ADCY2: variants seen among roughly 807,000 people sequenced by gnomAD.
ADCY2 encodes adenylate cyclase 2, also known as adenylate cyclase type 2.
A neutral mutation model predicts 125.2 loss-of-function variants in ADCY2; 31 were observed. The ratio of observed to expected loss-of-function variants is 0.25; its 90% CI spans 0.19 to 0.33. The LOEUF (loss-of-function observed/expected upper bound fraction) is 0.33. Ranked by LOEUF, ADCY2 falls within the 10% of genes least tolerant of loss-of-function variation. The pLI is 1.00. For missense variants in ADCY2, 904 were observed against 1,418.2 expected, an observed-to-expected ratio of 0.64 and a Z score of 5.82; for synonymous variants, 512 against 548.4, an observed-to-expected ratio of 0.93 and a Z score of 0.93.
intron 2 of ADCY2, among the ~76,000 whole-genome samples, chr5:7,482,801 CAT>C (rs1742788008): frequency 9.2e-6 from 1 of 108,944 alleles, no homozygotes; most frequent in Non-Finnish European, 2.1e-5. Flanking sequence ...TACACACACA[CAT>C]ACATATATAC....
chr5:7,510,854 A>G (rs1430502448), intron 2 of ADCY2, among the ~76,000 whole-genome samples: 1 of 152,234 alleles, frequency 6.6e-6, no homozygotes, highest in South Asian at 2.1e-4. Flanking sequence ...GAAGAACACG[A>G]TATGAAGAGT....
intron 3 of ADCY2, among the ~76,000 whole-genome samples, chr5:7,583,147 T>A (rs1736491047): frequency 6.6e-6 from 1 of 152,016 alleles, no homozygotes; most frequent in African/African-American, 2.4e-5. Flanking sequence ...AAAAGACAAA[T>A]TAGATCTCTA....
rs545662954 is a variant in ADCY2, at chr5:7,761,181, G to A, written c.2094+3595G>A. ...TTTTTTTTTTTTGAGATGGAGTCTC[G>A]CCCTGTCACCCAGGCTGGAGTGCAA... On this transcript the variant is annotated intron_variant, in intron 16 of 24. Coordinates refer to ENST00000338316, the MANE Select transcript of ADCY2 (RefSeq NM_020546.3). Among the ~76,000 whole-genome samples, 343 of 99,624 alleles carry A rather than the reference G, an allele frequency of 3.4e-3. 2 individuals are homozygous for A. The highest frequency in any genetic ancestry group is 0.013 in the African/African-American group (332 of 25,628). 65.4% of individuals were successfully genotyped at this position (99,624 alleles called of 152,430 possible).
chr5:7,450,816 G>A (rs1741444259), intron 2 of ADCY2, among the ~76,000 whole-genome samples: 1 of 152,106 alleles, frequency 6.6e-6, no homozygotes, highest in South Asian at 2.1e-4. Flanking sequence ...CTTAAAAATT[G>A]TTAATTTTAT....
intron 3 of ADCY2, among the ~76,000 whole-genome samples, chr5:7,535,930 C>G (rs1167558212): frequency 6.6e-6 from 1 of 152,118 alleles, no homozygotes; most frequent in Non-Finnish European, 1.5e-5. Context: ...AGCTATTTAA[C>G]CAGTCAGAGA....
Position 7,660,564 on chromosome 5 carries a change from G to A in ADCY2, c.721-30127G>A, listed in dbSNP as rs537165610. 8.5e-5 allele frequency among the ~76,000 whole-genome samples: 13 copies of A among 152,318 alleles called. 1 individual carries two copies. The South Asian group carries it at 2.7e-3, about 32-fold the overall frequency. On this transcript the variant is annotated intron_variant, in intron 4 of 24. Transcript: ENST00000338316. ...TGAGATCTGTAAGGCAGGCCAGCAG[G>A]TTGGAGAGTAAGTTAAGAGTTGATA...
intron 3 of ADCY2, among the ~76,000 whole-genome samples, chr5:7,574,313 C>T (rs538789082): frequency 6.6e-6 from 1 of 151,546 alleles, no homozygotes; most frequent in African/African-American, 2.4e-5. Context: ...ATTTCCAGTT[C>T]TAGATCCTTG....
intron 5 of ADCY2, among the ~76,000 whole-genome samples, chr5:7,693,197 A>G (rs4642335): frequency 0.5 from 76,171 of 151,776 alleles, 19,618 homozygotes; most frequent in East Asian, 0.83. Context: ...GCACATTGTA[A>G]ACCTTCAGTT....
chr5:7,450,590 C>T (rs1427797841), intron 2 of ADCY2, among the ~76,000 whole-genome samples: 2 of 152,168 alleles, frequency 1.3e-5, no homozygotes, highest in Non-Finnish European at 2.9e-5. Context: ...TAGCTAAGAT[C>T]ATTGATGAAG....
chr5:7,560,427 TA>T (rs1475635272), intron 3 of ADCY2, among the ~76,000 whole-genome samples: 2 of 152,180 alleles, frequency 1.3e-5, no homozygotes, highest in African/African-American at 2.4e-5. Flanking sequence ...AAAAAGCAAT[TA>T]AAAAATAGTA....
At chr5:7,421,964 A>G (rs1740221677) in intron 2 of ADCY2, among the ~76,000 whole-genome samples, 1 of 152,216 alleles carries the variant, frequency 6.6e-6, no homozygotes, top group African/African-American at 2.4e-5. Context: ...GTCCAATCAC[A>G]TTGCTGTGTA....
intron 4 of ADCY2, among the ~76,000 whole-genome samples, chr5:7,680,043 G>A (rs1471788345): frequency 1.3e-5 from 2 of 152,192 alleles, no homozygotes; most frequent in East Asian, 3.9e-4. Flanking sequence ...GTCCAAGGTG[G>A]AGAGGAACAG....
At chr5:7,518,784 C>T (rs1340514648) in intron 2 of ADCY2, among the ~76,000 whole-genome samples, 3 of 152,120 alleles carry the variant, frequency 2.0e-5, no homozygotes, top group Non-Finnish European at 4.4e-5. Flanking sequence ...TGCTCAGAGT[C>T]CACCCTGTTG....
intron 3 of ADCY2, among the ~76,000 whole-genome samples, chr5:7,556,578 T>A (rs1386276025): frequency 6.6e-6 from 1 of 152,330 alleles, no homozygotes; most frequent in African/African-American, 2.4e-5. Context: ...TTTTCCATTA[T>A]GGCTTATGCT....
At chr5:7,469,269 C>A (rs1249270180) in intron 2 of ADCY2, among the ~76,000 whole-genome samples, 1 of 151,824 alleles carries the variant, frequency 6.6e-6, no homozygotes, top group African/African-American at 2.4e-5. Context: ...CTGCTTTATA[C>A]AATATGTGTG....
intron 3 of ADCY2, among the ~76,000 whole-genome samples, chr5:7,560,167 G>A (rs539740955): frequency 3.9e-4 from 59 of 152,290 alleles, no homozygotes; most frequent in African/African-American, 1.4e-3. Context: ...ATGTCAAGAT[G>A]CCATTTTGTA....
At chr5:7,792,905 A>C (rs181511503) in intron 20 of ADCY2, among the ~76,000 whole-genome samples, 1 of 152,334 alleles carries the variant, frequency 6.6e-6, no homozygotes, top group Admixed American at 6.5e-5. Context: ...TTCGCACTGC[A>C]GTCCTCCAGG....
At chr5:7,610,638 G>A (rs542858624) in intron 3 of ADCY2, among the ~76,000 whole-genome samples, 3 of 152,284 alleles carry the variant, frequency 2.0e-5, no homozygotes, top group South Asian at 4.1e-4. Flanking sequence ...TTAAGGAAGG[G>A]TGTTGTTAGC....
At chr5:7,725,327 A>G (rs1741897812) in intron 13 of ADCY2, among the ~76,000 whole-genome samples, 2 of 152,216 alleles carry the variant, frequency 1.3e-5, no homozygotes, top group Non-Finnish European at 2.9e-5. Context: ...ACTTTGAACA[A>G]AAGTTACATT....
Sources: allele counts gnomAD v4.1 joint callset (sites outside exome capture counted in the v4.1 genomes callset), GRCh38; gene constraint gnomAD v4.1.1; transcripts MANE v1.5; gene names NCBI Gene and HGNC (gene_info 2026-07-23, HGNC 2026-07-21).